Variants in SCARA3 observed in about 807,000 individuals in gnomAD.
SCARA3 encodes the protein cellular stress response gene protein.
Under a neutral mutation model 47.0 loss-of-function variants are expected in SCARA3, and 39 were observed. That is an observed-to-expected ratio of 0.83 (90% CI 0.64 to 1.08). The LOEUF is 1.08. Ranked by LOEUF, SCARA3 falls within the 50% of genes least tolerant of loss-of-function variation. The pLI is 0.00. For synonymous variants in SCARA3, 356 were observed against 334.1 expected (o/e 1.07, Z -0.71); for missense variants, 724 against 792.3 (o/e 0.91, Z 1.04).
downstream of SCARA3, among the ~76,000 whole-genome samples, chr8:27,674,241 C>A (rs1480070530): frequency 6.6e-6 from 1 of 152,172 alleles, no homozygotes; most frequent in Non-Finnish European, 1.5e-5. Flanking sequence ...AAGCTTGAAG[C>A]AAATGCTGAG....
At chr8:27,693,427 C>A in the SCARA3 span, among the ~76,000 whole-genome samples, 10 of 152,192 alleles carry the variant, frequency 6.6e-5, no homozygotes, top group Non-Finnish European at 1.0e-4. Flanking sequence ...AGTCAGGGAA[C>A]TACATACCTT....
At chr8:27,678,670 C>A (rs1802313798), downstream of SCARA3, among the ~76,000 whole-genome samples, 1 of 152,102 alleles carries the variant, frequency 6.6e-6, no homozygotes, top group African/African-American at 2.4e-5. Context: ...GAAACACTTC[C>A]AAACTTCTTC....
intron 1 of SCARA3, among the ~76,000 whole-genome samples, chr8:27,644,163 G>T (rs1332533275): frequency 6.6e-6 from 1 of 152,234 alleles, no homozygotes; most frequent in African/African-American, 2.4e-5. Flanking sequence ...AGGAAGAGAG[G>T]CCCTTTCAAA....
At chr8:27,733,619 T>G in the SCARA3 span, 3 of 152,220 alleles carry the variant, frequency 2.0e-5, no homozygotes, top group Non-Finnish European at 4.4e-5. Context: ...TACTTTTCAT[T>G]GTGGTCTGGT....
downstream of SCARA3, among the ~76,000 whole-genome samples, chr8:27,674,453 G>T (rs1802231521): frequency 6.6e-6 from 1 of 152,134 alleles, no homozygotes; most frequent in Admixed American, 6.5e-5. Flanking sequence ...GAAAACAGAG[G>T]GAGTGGACTG....
chr8:27,693,717 G>A, the SCARA3 span, among the ~76,000 whole-genome samples: 1 of 152,040 alleles, frequency 6.6e-6, no homozygotes, highest in Admixed American at 6.6e-5. Flanking sequence ...AAACACTTAC[G>A]GTCCATTCTG....
chr8:27,659,409 C>G lies in SCARA3; in HGVS notation c.1239C>G (p.Leu413=), dbSNP rs774845555. Residue 413 remains leucine, a synonymous_variant, in exon 5 of 6, where the codon CTC becomes CTG. Coordinates refer to ENST00000301904, the MANE Select transcript of SCARA3 (RefSeq NM_016240.3). ...VSIMLGTTDL[L]RERFSLLSAR... is the part of the protein sequence containing the mutation. ...TCATGCTGGGCACCACAGACCTGCT[C>G]CGGGAGCGCTTCAGCCTGCTCAGTG... 6.2e-6 allele frequency: 10 copies of G among 1,613,838 alleles called. No homozygotes were observed. In the South Asian group the frequency reaches 1.1e-4, roughly 18 times the overall value.
In SCARA3 at chr8:27,671,444, GT is replaced by G. The variant is rs1802154357; in HGVS notation, c.*94del. On this transcript the variant is annotated 3_prime_UTR_variant, in exon 6 of 6. Coordinates refer to ENST00000301904, the MANE Select transcript of SCARA3 (RefSeq NM_016240.3). ...AAAGCCTCACCTACAGACAGCTGTG[GT>G]CCTCTGATTCCAATGAGGGGGCTCC... 1 of 1,326,332 alleles carries G rather than the reference GT, an allele frequency of 7.5e-7. No individual in the cohort carries two copies. The highest frequency in any genetic ancestry group is 1.5e-5 in the African/African-American group (1 of 65,284). The allele number at this position is 1,326,332 out of a possible 1,614,324, so 82.2% of individuals were successfully genotyped here.
chr8:27,644,555 T>C (rs1161280781), intron 1 of SCARA3, among the ~76,000 whole-genome samples: 1 of 151,652 alleles, frequency 6.6e-6, no homozygotes, highest in African/African-American at 2.4e-5. Context: ...AGTGTCCTCT[T>C]CCAAGCCCAT....
At chr8:27,661,078 C>T (rs908072023) in intron 5 of SCARA3, among the ~76,000 whole-genome samples, 4 of 152,018 alleles carry the variant, frequency 2.6e-5, no homozygotes, top group East Asian at 1.9e-4. Flanking sequence ...AGCCTGCTCA[C>T]GCCAGGGAGG....
the SCARA3 span, among the ~76,000 whole-genome samples, chr8:27,696,228 T>G: frequency 6.6e-6 from 1 of 152,238 alleles, no homozygotes; most frequent in South Asian, 2.1e-4. Context: ...GAGGCTGGTC[T>G]CGAGCTCCTG....
At chr8:27,667,598 TG>T (rs1246210611) in intron 5 of SCARA3, among the ~76,000 whole-genome samples, 1 of 152,214 alleles carries the variant, frequency 6.6e-6, no homozygotes, top group African/African-American at 2.4e-5. Flanking sequence ...GGCCACCCGC[TG>T]CACCTGCATT....
the SCARA3 span, among the ~76,000 whole-genome samples, chr8:27,715,879 TAGAA>T: frequency 5.3e-5 from 8 of 151,718 alleles, no homozygotes; most frequent in East Asian, 5.8e-4. The surrounding 1 kb of genome is among the most constrained non-coding windows in gnomAD (Gnocchi z 4.2). Context: ...GATAGATAGA[TAGAA>T]AGAAACATAG....
chr8:27,663,431 C>G (rs1283451026), intron 5 of SCARA3, among the ~76,000 whole-genome samples: 1 of 152,234 alleles, frequency 6.6e-6, no homozygotes, highest in African/African-American at 2.4e-5. Context: ...TGGGCCACTT[C>G]TTTATGTAAC....
At chr8:27,689,865 G>A in the SCARA3 span, among the ~76,000 whole-genome samples, 8 of 152,122 alleles carry the variant, frequency 5.3e-5, no homozygotes, top group Non-Finnish European at 8.8e-5. Context: ...GGCTCAAGCT[G>A]GTAATCTTAG....
Position 27,671,722 on chromosome 8 carries a change from A to G in SCARA3, c.*371A>G, listed in dbSNP as rs892857712. On this transcript the variant is annotated 3_prime_UTR_variant, in exon 6 of 6. Transcript: ENST00000301904. ...GGCACACATGCATGCACACATACAC[A>G]TGCACACACACATGCACACATATAT... is the stretch of plus-strand genomic sequence containing the variant. The G allele has an allele frequency of 9.0e-5, 93 of 1,038,292 alleles. No homozygotes were observed. The highest frequency in any genetic ancestry group is 1.0e-4 in the Non-Finnish European group (88 of 864,258). The allele number at this position is 1,038,292 out of a possible 1,614,324, so 64.3% of individuals were successfully genotyped here.
the SCARA3 span, chr8:27,701,943 A>C: frequency 6.6e-6 from 1 of 152,500 alleles, no homozygotes; most frequent in African/African-American, 2.4e-5. Flanking sequence ...CTTATCTGAG[A>C]CCTTGTGCTA....
Position 27,634,358 on chromosome 8 carries a change from A to G in SCARA3, c.7+151A>G, listed in dbSNP as rs1016641035. ...CCTGCCTTTTTGGGCATCCTGCGAGACAGGACGGATCCCTGAAGACCAGAG... is the reference window on the plus strand; with the variant it reads ...CCTGCCTTTTTGGGCATCCTGCGAGGCAGGACGGATCCCTGAAGACCAGAG... On this transcript the variant is annotated intron_variant, in intron 1 of 5. Coordinates refer to ENST00000301904, the MANE Select transcript of SCARA3 (RefSeq NM_016240.3). 5.1e-6 allele frequency: 3 copies of G among 592,616 alleles called. No individual in the cohort carries two copies. In the South Asian group the frequency reaches 2.2e-4, roughly 43 times the overall value. 36.7% of individuals were successfully genotyped at this position (592,616 alleles called of 1,614,324 possible).
In SCARA3 at chr8:27,660,618, TGATAGATA is replaced by T. The variant is rs10674215; in HGVS notation, c.1369+1111_1369+1118del. On this transcript the variant is annotated intron_variant, in intron 5 of 5. Coordinates refer to ENST00000301904, the MANE Select transcript of SCARA3 (RefSeq NM_016240.3). The stretch of plus-strand genomic sequence containing the variant: ...AAGCAATCAATAGCATAGAGATAGA[TGATAGATA>T]GATAGATAGATAGATAGATAGATAG... 6.1e-3 allele frequency among the ~76,000 whole-genome samples: 803 copies of T among 130,988 alleles called. 8 individuals are homozygous for T. Among genetic ancestry groups the T allele is most frequent in the African/African-American group, 0.021 (743 of 35,960 alleles). The allele number at this position is 130,988 out of a possible 152,430, so 85.9% of individuals were successfully genotyped here.
Sources: gnomAD v4.1 joint callset for allele counts (sites outside exome capture counted in the v4.1 genomes callset) on GRCh38, gnomAD v4.1.1 for gene constraint, Gnocchi (gnomAD v3.1) non-coding constraint, MANE v1.5 for transcripts, NCBI Gene and HGNC (gene_info 2026-07-23, HGNC 2026-07-21) for gene names.